The following ZNF24 variants were observed in gnomAD, a reference collection of about 807,000 sequenced individuals.
ZNF24 encodes the protein retinoic acid suppression protein A.
Under a neutral mutation model 40.9 loss-of-function variants are expected in ZNF24, and 11 were observed. The ratio of observed to expected loss-of-function variants is 0.27; its 90% confidence interval spans 0.17 to 0.45. The LOEUF (loss-of-function observed/expected upper bound fraction) is 0.45, where lower values mean the gene tolerates loss of function less well. Ranked by LOEUF, ZNF24 falls within the 20% of genes least tolerant of loss-of-function variation. The pLI is 1.00. For synonymous variants in ZNF24, 139 were observed against 154.7 expected, an observed-to-expected ratio of 0.90 and a Z score of 0.75; for missense variants, 293 against 437.7, an observed-to-expected ratio of 0.67 and a Z score of 2.95.
At chr18:35,341,920 G>T (rs1466911613) in intron 1 of ZNF24, among the ~76,000 whole-genome samples, 1 of 152,034 alleles carries the variant, frequency 6.6e-6, no homozygotes, top group African/African-American at 2.4e-5. Context: ...AAGCTGTGCC[G>T]GGCACGGTGG....
chr18:35,332,693 A>C lies in ZNF24; in HGVS notation c.*4539T>G, dbSNP rs1361432130. On this transcript the variant is annotated 3_prime_UTR_variant, in exon 4 of 4. Transcript: ENST00000261332. ...TGGCTAGGAAGCTGTGGGACTCAGGAGGCCAGGCCTGGTCACATGCTCACC... is the reference window on the plus strand; with the variant it reads ...TGGCTAGGAAGCTGTGGGACTCAGGCGGCCAGGCCTGGTCACATGCTCACC... 6.6e-6 allele frequency: 1 copy of C among 152,658 alleles called. No individual in the cohort carries two copies. Among genetic ancestry groups the C allele is most frequent in the Non-Finnish European group, 1.5e-5 (1 of 68,072 alleles). 9.5% of individuals were successfully genotyped at this position (152,658 alleles called of 1,614,324 possible).
chr18:35,334,445 T>C lies in ZNF24; in HGVS notation c.*2787A>G, dbSNP rs1201392366. Reference sequence around the variant, plus strand: ...CTAGCATGCAGATTATTTCAGTACATGTAACCCTCCCTTCAATTTACATGA... The same window carrying C: ...CTAGCATGCAGATTATTTCAGTACACGTAACCCTCCCTTCAATTTACATGA... On this transcript the variant is annotated 3_prime_UTR_variant, in exon 4 of 4. Coordinates refer to ENST00000261332, the MANE Select transcript of ZNF24 (RefSeq NM_006965.4). 4 of 152,216 alleles carry C rather than the reference T, an allele frequency of 2.6e-5. No individual in the cohort carries two copies. Among genetic ancestry groups the C allele is most frequent in the Non-Finnish European group, 5.9e-5 (4 of 68,036 alleles). The allele number at this position is 152,216 out of a possible 1,614,324, so 9.4% of individuals were successfully genotyped here. A position where few individuals can be genotyped will look rare whatever the true frequency, so the allele number is the denominator to read the frequency against.
chr18:35,338,796 G>C, intron 3 of ZNF24: 1 of 1,336,216 alleles, frequency 7.5e-7, no homozygotes, highest in South Asian at 2.0e-5. Flanking sequence ...GAAGAGACTA[G>C]ACAGCTGAAA....
Position 35,335,495 on chromosome 18 carries a change from C to CA in ZNF24, c.*1736dup, listed in dbSNP as rs938915033. ...TACTATGCTTTTTAATAGGCTCATG[C>CA]AAAATCTCACCTTCCATTTTTAAAC... On this transcript the variant is annotated 3_prime_UTR_variant, in exon 4 of 4. Transcript: ENST00000261332. 1 of 152,132 alleles carries CA rather than the reference C, an allele frequency of 6.6e-6. No homozygotes were observed. The highest frequency in any genetic ancestry group is 1.5e-5 in the Non-Finnish European group (1 of 68,002). 9.4% of individuals were successfully genotyped at this position (152,132 alleles called of 1,614,324 possible).
At chr18:35,343,526 A>T (rs181014566) in intron 1 of ZNF24, among the ~76,000 whole-genome samples, 28 of 152,294 alleles carry the variant, frequency 1.8e-4, no homozygotes, top group African/African-American at 6.5e-4. Flanking sequence ...ATAACAACTT[A>T]AAAAAACTTA....
chr18:35,340,641 G>C lies in ZNF24; in HGVS notation c.10C>G (p.Gln4Glu), dbSNP rs186299878. 6.2e-7 allele frequency: 1 copy of C among 1,612,228 alleles called. No homozygotes were observed. Among genetic ancestry groups the C allele is most frequent in the Non-Finnish European group, 8.5e-7 (1 of 1,179,626 alleles). The change falls in exon 2 of 4, where the codon CAG (glutamine) becomes GAG (glutamate). Residue 4 changes from glutamine (Q) to glutamate (E), a missense_variant. Coordinates refer to ENST00000261332, the MANE Select transcript of ZNF24 (RefSeq NM_006965.4). The surrounding 1 kb of genome is among the most constrained non-coding windows in gnomAD (Gnocchi z 4.6). ...AGTATTGAATCTTCTTCCACTGACT[G>C]TGCAGACATTCTGATTTATAATATT... MSA[Q>E]SVEEDSILII...
rs924916831 is a variant in ZNF24, at chr18:35,336,118, A to G, written c.*1114T>C. ...AACTCACATAAAACAGCAAACCCCT[A>G]TGATTTACAGTGGAAGAAATACCTA... On this transcript the variant is annotated 3_prime_UTR_variant, in exon 4 of 4. Coordinates refer to ENST00000261332, the MANE Select transcript of ZNF24 (RefSeq NM_006965.4). The G allele has an allele frequency of 6.6e-6, 1 of 152,646 alleles. No homozygotes were observed. The highest frequency in any genetic ancestry group is 1.5e-5 in the Non-Finnish European group (1 of 68,030). 9.5% of individuals were successfully genotyped at this position (152,646 alleles called of 1,614,324 possible).
At chr18:35,343,452 T>C (rs374354538) in intron 1 of ZNF24, among the ~76,000 whole-genome samples, 1 of 152,196 alleles carries the variant, frequency 6.6e-6, no homozygotes, top group Non-Finnish European at 1.5e-5. Flanking sequence ...TGCTGTTGTT[T>C]ACGACACATA....
At chr18:35,343,212 T>A (rs896844470) in intron 1 of ZNF24, among the ~76,000 whole-genome samples, 7 of 152,196 alleles carry the variant, frequency 4.6e-5, no homozygotes, top group African/African-American at 1.7e-4. Context: ...TTGCACATAA[T>A]ACGTAAATAT....
In ZNF24 at chr18:35,333,418, T is replaced by C. The variant is rs192569268; in HGVS notation, c.*3814A>G. 2.5e-3 allele frequency: 385 copies of C among 152,246 alleles called. No homozygotes were observed. The highest frequency in any genetic ancestry group is 8.3e-3 in the African/African-American group (344 of 41,536). 9.4% of individuals were successfully genotyped at this position (152,246 alleles called of 1,614,324 possible). On this transcript the variant is annotated 3_prime_UTR_variant, in exon 4 of 4. Transcript: ENST00000261332. ...GGTAAGTGGAATGTGATTGGTAGCA[T>C]TGGAGAAAAGGGTCTCTCTATTCAA...
intron 3 of ZNF24, chr18:35,338,930 G>A: frequency 6.7e-7 from 1 of 1,485,064 alleles, no homozygotes; most frequent in Non-Finnish European, 8.9e-7. Flanking sequence ...CATGAAACAT[G>A]TAAAACTGCA....
chr18:35,337,158 TTCATA>T lies in ZNF24; in HGVS notation c.*69_*73del, dbSNP rs1172143875. On this transcript the variant is annotated 3_prime_UTR_variant, in exon 4 of 4. Transcript: ENST00000261332. ...TAGGGAAAAAACTATTCTGCATCAT[TTCATA>T]TTTTAAATTTTGTCTTCATTTCTGA... 1.6e-6 allele frequency: 2 copies of T among 1,255,572 alleles called. No individual in the cohort carries two copies. Among genetic ancestry groups the T allele is most frequent in the Non-Finnish European group, 2.1e-6 (2 of 951,324 alleles). The allele number at this position is 1,255,572 out of a possible 1,614,324, so 77.8% of individuals were successfully genotyped here.
At chr18:35,343,244 C>T (rs184557488) in intron 1 of ZNF24, among the ~76,000 whole-genome samples, 27 of 152,208 alleles carry the variant, frequency 1.8e-4, no homozygotes, top group Non-Finnish European at 3.4e-4. Context: ...CCACACCATA[C>T]GTACATTTAT....
rs2044921328 is a variant in ZNF24, at chr18:35,337,336, A to G, written c.1003T>C (p.Tyr335His). 1 of 1,613,606 alleles carries G rather than the reference A, an allele frequency of 6.2e-7. No individual in the cohort carries two copies. ...GATTTCCCACACTGAACGCATTCAT[A>G]AGGTTTCTCCCCAGTATGGATTCTC... ...HQRIHTGEKP[Y>H]ECVQCGKSYS... Residue 335 changes from tyrosine to histidine, a missense_variant, in exon 4 of 4, where the codon TAT becomes CAT. Transcript: ENST00000261332.
In ZNF24 at chr18:35,340,642, T is replaced by G. The variant is rs371900070; in HGVS notation, c.9A>C (p.Ala3=). The change falls in exon 2 of 4, where the codon GCA becomes GCC. Residue 3 remains alanine (A), a synonymous_variant. Transcript: ENST00000261332. The surrounding 1 kb of genome is among the most constrained non-coding windows in gnomAD (Gnocchi z 4.6). MS[A]QSVEEDSILI... ...GTATTGAATCTTCTTCCACTGACTGTGCAGACATTCTGATTTATAATATTT... is the reference window on the plus strand; with the variant it reads ...GTATTGAATCTTCTTCCACTGACTGGGCAGACATTCTGATTTATAATATTT... The G allele has an allele frequency of 1.2e-6, 2 of 1,612,146 alleles. No individual in the cohort carries two copies. The highest frequency in any genetic ancestry group is 2.7e-5 in the African/African-American group (2 of 74,842).
chr18:35,343,236 A>G (rs1735493606), intron 1 of ZNF24, among the ~76,000 whole-genome samples: 1 of 152,148 alleles, frequency 6.6e-6, no homozygotes, highest in African/African-American at 2.4e-5. Flanking sequence ...GTCTTCCACC[A>G]CACCATACGT....
chr18:35,339,147 A>C (rs1404871944), intron 3 of ZNF24: 1 of 1,025,284 alleles, frequency 9.8e-7, no homozygotes, highest in Non-Finnish European at 1.5e-6. Context: ...TTTTAGGAAT[A>C]TACTGGGCCA....
chr18:35,339,503 A>C (rs558313404), intron 3 of ZNF24, among the ~76,000 whole-genome samples: 10 of 152,334 alleles, frequency 6.6e-5, no homozygotes, highest in Non-Finnish European at 1.3e-4. Context: ...TTGAAAGTAA[A>C]AGGATGTAAA....
intron 1 of ZNF24, among the ~76,000 whole-genome samples, chr18:35,343,163 T>A (rs2044984753): frequency 6.6e-6 from 1 of 152,192 alleles, no homozygotes; most frequent in African/African-American, 2.4e-5. Context: ...ATTGAAAAGA[T>A]CATATGTGAA....
Sources: allele counts gnomAD v4.1 joint callset (sites outside exome capture counted in the v4.1 genomes callset), GRCh38; gene constraint gnomAD v4.1.1; non-coding constraint Gnocchi (gnomAD v3.1); transcripts MANE v1.5; gene names NCBI Gene and HGNC (gene_info 2026-07-23, HGNC 2026-07-21).